Variants in WDR70 observed in about 807,000 individuals in gnomAD.
The protein encoded by WDR70 is WD repeat-containing protein 70.
A neutral mutation model predicts 88.6 loss-of-function variants in WDR70; 53 were observed. The ratio of observed to expected loss-of-function variants is 0.60; its 90% CI spans 0.48 to 0.75. WDR70 has a LOEUF of 0.75. Ranked by LOEUF, WDR70 falls within the 30% of genes least tolerant of loss-of-function variation. The probability of loss-of-function intolerance (pLI) is 0.00; values close to 1 mark genes in which losing one functional copy is unlikely to be tolerated. For missense variants in WDR70, 610 were observed against 823.2 expected, an observed-to-expected ratio of 0.74 and a Z score of 3.17; for synonymous variants, 280 against 270.0, an observed-to-expected ratio of 1.04 and a Z score of -0.36.
chr5:37,538,671 A>T (rs747338155), intron 9 of WDR70, among the ~76,000 whole-genome samples: 3 of 152,134 alleles, frequency 2.0e-5, no homozygotes, highest in Non-Finnish European at 4.4e-5. Context: ...TAAAACATAA[A>T]CCTGAGATGA....
chr5:37,416,564 A>C (rs1749761410), intron 5 of WDR70, among the ~76,000 whole-genome samples: 1 of 140,726 alleles, frequency 7.1e-6, no homozygotes, highest in South Asian at 2.3e-4. Context: ...GGAGAGGGAG[A>C]GGGCTTGGGA....
At chr5:37,654,622 T>C (rs1309352680) in intron 10 of WDR70, among the ~76,000 whole-genome samples, 1 of 152,212 alleles carries the variant, frequency 6.6e-6, no homozygotes, top group East Asian at 1.9e-4. Flanking sequence ...TGAATCTGGG[T>C]GCTCCTGTAT....
At chr5:37,596,507 A>G (rs1223746586) in intron 9 of WDR70, among the ~76,000 whole-genome samples, 2 of 152,172 alleles carry the variant, frequency 1.3e-5, no homozygotes, top group Non-Finnish European at 2.9e-5. Context: ...AAAGAAGGTT[A>G]CAGACCCTTT....
intron 9 of WDR70, among the ~76,000 whole-genome samples, chr5:37,584,550 A>T (rs16903667): frequency 0.048 from 7,357 of 152,260 alleles, 583 homozygotes; most frequent in African/African-American, 0.16. Context: ...ACTCTTTGGC[A>T]TATAAAATTT....
At chr5:37,484,976 A>C (rs1446478900) in intron 8 of WDR70, among the ~76,000 whole-genome samples, 1 of 152,208 alleles carries the variant, frequency 6.6e-6, no homozygotes, top group East Asian at 1.9e-4. Flanking sequence ...GATAGTATAG[A>C]TAAACATACC....
intron 10 of WDR70, among the ~76,000 whole-genome samples, chr5:37,680,023 A>T (rs1746378043): frequency 6.6e-6 from 1 of 152,158 alleles, no homozygotes; most frequent in Admixed American, 6.5e-5. Flanking sequence ...ACAATGTAAA[A>T]GCATTTCTTT....
chr5:37,424,343 CAA>C (rs765169024), intron 5 of WDR70, among the ~76,000 whole-genome samples: 3 of 149,252 alleles, frequency 2.0e-5, no homozygotes, highest in Admixed American at 1.4e-4. Flanking sequence ...TCTTATTGAC[CAA>C]AAGACATGCC....
intron 17 of WDR70, among the ~76,000 whole-genome samples, chr5:37,729,720 AT>A (rs1226200402): frequency 6.6e-6 from 1 of 152,100 alleles, no homozygotes; most frequent in African/African-American, 2.4e-5. Flanking sequence ...AGTTAGGTTC[AT>A]TTTTTAGTGT....
At chr5:37,740,871 G>A (rs1748452657) in intron 17 of WDR70, among the ~76,000 whole-genome samples, 1 of 152,188 alleles carries the variant, frequency 6.6e-6, no homozygotes. Context: ...GCCAAGCTAG[G>A]GGAGGGATGG....
At chr5:37,720,026 A>G (rs1236287040) in intron 13 of WDR70, among the ~76,000 whole-genome samples, 1 of 151,884 alleles carries the variant, frequency 6.6e-6, no homozygotes, top group Non-Finnish European at 1.5e-5. Flanking sequence ...ATGTTCTATC[A>G]AAAAGGATCT....
At chr5:37,736,277 G>A (rs187257385) in intron 17 of WDR70, among the ~76,000 whole-genome samples, 2 of 152,270 alleles carry the variant, frequency 1.3e-5, no homozygotes, top group East Asian at 3.9e-4. Context: ...ATTATTTGCT[G>A]GTTCGGTCAA....
chr5:37,631,543 G>A (rs1320821167), intron 10 of WDR70, among the ~76,000 whole-genome samples: 1 of 152,128 alleles, frequency 6.6e-6, no homozygotes, highest in Non-Finnish European at 1.5e-5. Flanking sequence ...TCATTTTATA[G>A]TTATATGAGG....
rs1488724829 is a variant in WDR70 at position 37,406,611 on chromosome 5, T to C, written c.492+10041T>C. Among the ~76,000 whole-genome samples, 70 of 152,220 alleles carry C rather than the reference T, an allele frequency of 4.6e-4. 1 individual carries two copies. The highest frequency in any genetic ancestry group is 8.8e-5 in the Non-Finnish European group (6 of 68,038). ...TATGTGGATGGATTAAATGAGTGAA[T>C]GAATGTATAAAGAACCCTTAGAATA... is the stretch of plus-strand genomic sequence containing the variant. On this transcript the variant is annotated intron_variant, in intron 5 of 17. Coordinates refer to ENST00000265107, the MANE Select transcript of WDR70 (RefSeq NM_018034.4).
At chr5:37,564,458 G>C (rs543248195) in intron 9 of WDR70, among the ~76,000 whole-genome samples, 1 of 152,104 alleles carries the variant, frequency 6.6e-6, no homozygotes, top group African/African-American at 2.4e-5. Context: ...GGAGGTTGCA[G>C]TGAGCCGAGA....
intron 8 of WDR70, among the ~76,000 whole-genome samples, chr5:37,497,391 C>T (rs1305445217): frequency 8.8e-6 from 1 of 113,974 alleles, no homozygotes; most frequent in Admixed American, 8.8e-5. Flanking sequence ...CCTCCCCTTC[C>T]CTCCCTTTCC....
chr5:37,684,858 A>G (rs1167106786), intron 10 of WDR70, among the ~76,000 whole-genome samples: 1 of 152,212 alleles, frequency 6.6e-6, no homozygotes, highest in Non-Finnish European at 1.5e-5. Flanking sequence ...CTGCAGTGCT[A>G]GCAGGTACTG....
At chr5:37,530,176 G>A (rs1396689297) in intron 9 of WDR70, among the ~76,000 whole-genome samples, 2 of 152,102 alleles carry the variant, frequency 1.3e-5, no homozygotes, top group African/African-American at 4.8e-5. Context: ...ACTTGATCAT[G>A]GCGGATTATA....
rs562329298 is a variant in WDR70, at chr5:37,658,808, T to A, written c.1093-38847T>A. Among the ~76,000 whole-genome samples, 9 of 152,326 alleles carry A rather than the reference T, an allele frequency of 5.9e-5. No homozygotes were observed. The South Asian group carries it at 1.7e-3, about 28-fold the overall frequency. ...TTTTGACAAGAATGATGGGCTAACA[T>A]CCTTCCCTTACCTAACCATTTGCCA... On this transcript the variant is annotated intron_variant, in intron 10 of 17. Transcript: ENST00000265107.
At chr5:37,466,968 G>C (rs1739170250) in intron 7 of WDR70, among the ~76,000 whole-genome samples, 1 of 152,022 alleles carries the variant, frequency 6.6e-6, no homozygotes, top group East Asian at 1.9e-4. Flanking sequence ...AGGCGTGGTG[G>C]CTTGTGCCTG....
Sources: allele counts gnomAD v4.1 joint callset (sites outside exome capture counted in the v4.1 genomes callset), GRCh38; gene constraint gnomAD v4.1.1; transcripts MANE v1.5; gene names NCBI Gene and HGNC (gene_info 2026-07-23, HGNC 2026-07-21).